RTN4IP1: variants seen among roughly 807,000 people sequenced by gnomAD.
The protein encoded by RTN4IP1 is reticulon 4 interacting protein 1.
A neutral mutation model predicts 46.6 loss-of-function variants in RTN4IP1; 32 were observed. The ratio of observed to expected loss-of-function variants is 0.69; its 90% CI spans 0.52 to 0.92. The LOEUF (loss-of-function observed/expected upper bound fraction) is 0.92. Among genes scored for constraint, RTN4IP1 ranks in the 40% least tolerant of loss-of-function variants. The pLI is 0.00. For synonymous variants in RTN4IP1, 167 were observed against 161.8 expected, an observed-to-expected ratio of 1.03 and a Z score of -0.24; for missense variants, 424 against 485.8, an observed-to-expected ratio of 0.87 and a Z score of 1.20.
At position 106,622,885 on chromosome 6, in the gene RTN4IP1, C is replaced by A. The variant is rs367561509; in HGVS notation, c.359G>T (p.Gly120Val). The A allele has an allele frequency of 6.2e-7, 1 of 1,614,136 alleles. No homozygotes were observed. The highest frequency in any genetic ancestry group is 8.5e-7 in the Non-Finnish European group (1 of 1,180,030). ...IKGEEFPLTL[G>V]RDVSGVVMEC... The stretch of plus-strand genomic sequence containing the variant: ...CATCACCACGCCAGAGACATCCCGA[C>A]CCAGAGTCAGAGGAAATTCTTCTCC... The change falls in exon 2 of 9, where the codon GGT becomes GTT. Residue 120 changes from glycine (G) to valine (V), a missense_variant. Coordinates refer to ENST00000369063, the MANE Select transcript of RTN4IP1 (RefSeq NM_032730.5).
intron 5 of RTN4IP1, among the ~76,000 whole-genome samples, chr6:106,596,642 A>G (rs1266835137): frequency 6.6e-6 from 1 of 151,740 alleles, no homozygotes; most frequent in African/African-American, 2.4e-5. Flanking sequence ...CTGTTCCTAC[A>G]CTCTCTCCTT....
Position 106,571,748 on chromosome 6 carries a change from A to G in RTN4IP1, c.*248T>C. On this transcript the variant is annotated 3_prime_UTR_variant, in exon 9 of 9. Transcript: ENST00000369063. ...TAGTAAAACAGAAGGTGCCACAACAACCTGCAAAGCCAGTGTGAAGGAACA... is the reference window on the plus strand; with the variant it reads ...TAGTAAAACAGAAGGTGCCACAACAGCCTGCAAAGCCAGTGTGAAGGAACA... The G allele has an allele frequency of 2.3e-6, 1 of 440,554 alleles. No homozygotes were observed. The highest frequency in any genetic ancestry group is 4.1e-6 in the Non-Finnish European group (1 of 245,048). The allele number at this position is 440,554 out of a possible 1,614,324, so 27.3% of individuals were successfully genotyped here. A position where few individuals can be genotyped will look rare whatever the true frequency, so the allele number is the denominator to read the frequency against.
intron 7 of RTN4IP1, 50 bp from the exon 8 acceptor site, chr6:106,583,470 G>T: frequency 6.9e-7 from 1 of 1,451,574 alleles, no homozygotes; most frequent in Non-Finnish European, 9.6e-7. Flanking sequence ...CATAAAATCT[G>T]ACTAAATGCA....
chr6:106,614,254 T>C (rs1776296036), intron 4 of RTN4IP1, among the ~76,000 whole-genome samples: 1 of 152,172 alleles, frequency 6.6e-6, no homozygotes, highest in Non-Finnish European at 1.5e-5. Context: ...CGAACAATAA[T>C]GAGTAGTGCT....
chr6:106,630,013 G>A (rs938644983), upstream of RTN4IP1, among the ~76,000 whole-genome samples: 3 of 152,140 alleles, frequency 2.0e-5, no homozygotes, highest in African/African-American at 7.2e-5. Context: ...GCCAAAGGGG[G>A]CTTGCGGGGC....
chr6:106,611,181 A>T (rs914655226), intron 4 of RTN4IP1, among the ~76,000 whole-genome samples: 1 of 152,190 alleles, frequency 6.6e-6, no homozygotes, highest in Non-Finnish European at 1.5e-5. Context: ...ATCTAGAGTC[A>T]CGGGTTCAGG....
chr6:106,629,334 G>A lies in RTN4IP1; in HGVS notation c.-313C>T. ...GGGCGGGGCATTAAAAAGCAGGTGC[G>A]CAAACCCCCTAGATCCCTGCCCTGT... On this transcript the variant is annotated 5_prime_UTR_variant, in exon 1 of 9. Coordinates refer to ENST00000369063, the MANE Select transcript of RTN4IP1 (RefSeq NM_032730.5). 1.9e-6 allele frequency: 1 copy of A among 528,356 alleles called. No homozygotes were observed. The highest frequency in any genetic ancestry group is 3.2e-5 in the East Asian group (1 of 31,376). The allele number at this position is 528,356 out of a possible 1,614,324, so 32.7% of individuals were successfully genotyped here. A position where few individuals can be genotyped will look rare whatever the true frequency, so the allele number is the denominator to read the frequency against.
At chr6:106,621,056 ACTC>A (rs1482525198) in intron 3 of RTN4IP1, among the ~76,000 whole-genome samples, 6 of 151,464 alleles carry the variant, frequency 4.0e-5, no homozygotes, top group Admixed American at 3.9e-4. Flanking sequence ...ATTTGATTAG[ACTC>A]CTGTTTTTAA....
intron 3 of RTN4IP1, among the ~76,000 whole-genome samples, chr6:106,620,100 C>CT (rs1263901353): frequency 6.6e-6 from 1 of 151,144 alleles, no homozygotes; most frequent in African/African-American, 2.4e-5. Flanking sequence ...TGTTAGTTGA[C>CT]TTTTTTGAGA....
At chr6:106,599,158 T>G (rs1476665590) in intron 5 of RTN4IP1, among the ~76,000 whole-genome samples, 1 of 152,004 alleles carries the variant, frequency 6.6e-6, no homozygotes, top group Non-Finnish European at 1.5e-5. Flanking sequence ...GGCATGTTAT[T>G]CTATACCTTA....
chr6:106,627,040 T>G (rs936118264), intron 1 of RTN4IP1, among the ~76,000 whole-genome samples: 4 of 152,270 alleles, frequency 2.6e-5, no homozygotes, highest in Admixed American at 2.6e-4. Context: ...GGGAAATAAC[T>G]GCTTCCTACA....
intron 4 of RTN4IP1, among the ~76,000 whole-genome samples, chr6:106,615,615 C>T (rs1173204428): frequency 2.0e-5 from 3 of 152,102 alleles, no homozygotes; most frequent in Non-Finnish European, 2.9e-5. Flanking sequence ...GCTGGGACTA[C>T]AGGCACGCAA....
chr6:106,619,994 CTTA>C (rs1167424606), intron 3 of RTN4IP1, among the ~76,000 whole-genome samples: 4 of 151,990 alleles, frequency 2.6e-5, no homozygotes, highest in Admixed American at 6.5e-5. Context: ...TCTAGCTTCC[CTTA>C]TTATAAGAAT....
chr6:106,597,452 C>T (rs1282797437), intron 5 of RTN4IP1, among the ~76,000 whole-genome samples: 2 of 152,128 alleles, frequency 1.3e-5, no homozygotes, highest in African/African-American at 4.8e-5. Context: ...TCAAGTGATC[C>T]TCACACCTCA....
intron 5 of RTN4IP1, among the ~76,000 whole-genome samples, chr6:106,592,817 T>A (rs1201964187): frequency 6.6e-6 from 1 of 152,040 alleles, no homozygotes; most frequent in African/African-American, 2.4e-5. Flanking sequence ...TAATCCCAGC[T>A]ACTTGGGTGG....
At chr6:106,588,399 C>G (rs1274483983) in intron 6 of RTN4IP1, among the ~76,000 whole-genome samples, 1 of 152,194 alleles carries the variant, frequency 6.6e-6, no homozygotes, top group African/African-American at 2.4e-5. Flanking sequence ...ATTCTCTTTA[C>G]AGTCAGAAAT....
At chr6:106,602,600 C>T (rs184657608) in intron 5 of RTN4IP1, among the ~76,000 whole-genome samples, 70 of 152,288 alleles carry the variant, frequency 4.6e-4, no homozygotes, top group Non-Finnish European at 5.7e-4. Flanking sequence ...TACTAGAAAG[C>T]TTAATGCTTC....
chr6:106,616,592 AAC>A (rs1361036399), intron 4 of RTN4IP1, among the ~76,000 whole-genome samples: 1 of 152,222 alleles, frequency 6.6e-6, no homozygotes. Context: ...ACAGAAAAAG[AAC>A]AGTTATTGCT....
chr6:106,596,520 T>A (rs529996039), intron 5 of RTN4IP1, among the ~76,000 whole-genome samples: 1 of 152,280 alleles, frequency 6.6e-6, no homozygotes, highest in African/African-American at 2.4e-5. Context: ...GAGGTTGAGG[T>A]TGCAGTGAGC....
Sources: allele counts gnomAD v4.1 joint callset (sites outside exome capture counted in the v4.1 genomes callset), GRCh38; gene constraint gnomAD v4.1.1; transcripts MANE v1.5; gene names NCBI Gene and HGNC (gene_info 2026-07-23, HGNC 2026-07-21).